The following ERC2 variants were observed in gnomAD, a reference collection of about 807,000 sequenced individuals.
ERC2 encodes the protein ERC protein 2.
In ERC2, 42 loss-of-function variants were observed where a neutral mutation model predicts 114.8. The observed-to-expected ratio is 0.37, with a 90% CI of 0.29 to 0.47. ERC2 has a LOEUF of 0.47. Among genes scored for constraint, ERC2 ranks in the 20% least tolerant of loss-of-function variants. The pLI, the probability that ERC2 is intolerant of heterozygous loss-of-function variation, is 0.99. For missense variants in ERC2, 939 were observed against 1,150.7 expected, an observed-to-expected ratio of 0.82 and a Z score of 2.66; for synonymous variants, 454 against 425.5, an observed-to-expected ratio of 1.07 and a Z score of -0.82.
intron 17 of ERC2, among the ~76,000 whole-genome samples, chr3:55,676,441 C>CTTATTA (rs71619901): frequency 0.17 from 24,275 of 141,992 alleles, 2,939 homozygotes; most frequent in African/African-American, 0.34. Context: ...TACTGAGCTG[C>CTTATTA]TTATTATTAT....
chr3:55,564,038 T>G (rs147303805), intron 17 of ERC2, among the ~76,000 whole-genome samples: 1 of 152,172 alleles, frequency 6.6e-6, no homozygotes, highest in Non-Finnish European at 1.5e-5. Context: ...GAATTCACAA[T>G]CTAATTTGTG....
chr3:56,318,109 T>C (rs2056954597), intron 2 of ERC2, among the ~76,000 whole-genome samples: 1 of 152,220 alleles, frequency 6.6e-6, no homozygotes, highest in African/African-American at 2.4e-5. Flanking sequence ...ATGATTTAAA[T>C]ATAAATGATC....
At chr3:56,350,401 C>T (rs985037491) in intron 2 of ERC2, among the ~76,000 whole-genome samples, 3 of 152,144 alleles carry the variant, frequency 2.0e-5, no homozygotes, top group Non-Finnish European at 2.9e-5. Context: ...GTAGGCCATG[C>T]CTAAAGACTC....
intron 14 of ERC2, among the ~76,000 whole-genome samples, chr3:55,823,807 C>T (rs2060221597): frequency 6.6e-6 from 1 of 152,196 alleles, no homozygotes. Context: ...TGACGTGCCC[C>T]ACTTCCAGTA....
At chr3:56,189,712 C>T (rs886105877) in intron 3 of ERC2, among the ~76,000 whole-genome samples, 28 of 152,168 alleles carry the variant, frequency 1.8e-4, no homozygotes, top group Non-Finnish European at 3.1e-4. Context: ...GGCTTGCAGG[C>T]ACCACACATG....
chr3:56,154,991 T>C (rs746669008), intron 4 of ERC2, among the ~76,000 whole-genome samples: 9 of 152,210 alleles, frequency 5.9e-5, no homozygotes, highest in Non-Finnish European at 1.2e-4. Flanking sequence ...GCTAATCCTA[T>C]AACCTAAGTT....
intron 13 of ERC2, among the ~76,000 whole-genome samples, chr3:55,903,123 C>T (rs1164856153): frequency 6.6e-6 from 1 of 152,186 alleles, no homozygotes; most frequent in Non-Finnish European, 1.5e-5. Context: ...TATTAAACTC[C>T]AAGCTTCACC....
intron 2 of ERC2, among the ~76,000 whole-genome samples, chr3:56,382,436 G>A (rs916105457): frequency 1.3e-4 from 20 of 152,036 alleles, no homozygotes; most frequent in African/African-American, 4.8e-4. Flanking sequence ...CCAGGTTTAT[G>A]GCCTCCAATC....
intron 3 of ERC2, among the ~76,000 whole-genome samples, chr3:56,221,098 A>G (rs773692225): frequency 7.2e-5 from 11 of 152,044 alleles, no homozygotes; most frequent in Non-Finnish European, 1.2e-4. Flanking sequence ...ATAAACAAAC[A>G]TCTGTTAGAG....
At chr3:55,852,914 A>G (rs1459772382) in intron 14 of ERC2, among the ~76,000 whole-genome samples, 3 of 152,220 alleles carry the variant, frequency 2.0e-5, no homozygotes, top group African/African-American at 7.2e-5. Context: ...GGATGGGCTA[A>G]TACTCTGTTG....
chr3:55,831,613 G>T (rs2060589400), intron 14 of ERC2, among the ~76,000 whole-genome samples: 1 of 152,130 alleles, frequency 6.6e-6, no homozygotes, highest in South Asian at 2.1e-4. Flanking sequence ...TTAAAAGACA[G>T]AACCTGGTCG....
At chr3:55,995,569 G>A (rs878913772) in intron 10 of ERC2, among the ~76,000 whole-genome samples, 23 of 152,242 alleles carry the variant, frequency 1.5e-4, no homozygotes, top group African/African-American at 5.1e-4. Flanking sequence ...CAGGGAAACC[G>A]CTGCTTCTTG....
chr3:55,520,433 C>CAGA (rs1553687612), intron 17 of ERC2, among the ~76,000 whole-genome samples: 1 of 109,556 alleles, frequency 9.1e-6, no homozygotes, highest in African/African-American at 3.5e-5. Context: ...GACTCTGTCT[C>CAGA]AAAAAAAAAA....
At chr3:56,260,843 T>G (rs2052871434) in intron 3 of ERC2, among the ~76,000 whole-genome samples, 1 of 152,218 alleles carries the variant, frequency 6.6e-6, no homozygotes, top group African/African-American at 2.4e-5. Context: ...AATTTGATTA[T>G]GTCCCAGCAT....
At chr3:56,215,962 CAT>C (rs1173064921) in intron 3 of ERC2, among the ~76,000 whole-genome samples, 1 of 151,978 alleles carries the variant, frequency 6.6e-6, no homozygotes, top group Non-Finnish European at 1.5e-5. Context: ...AAAGACACAA[CAT>C]ACCAGAATCT....
chr3:55,539,365 CTTTTCTTTTA>C (rs905980026), intron 17 of ERC2, among the ~76,000 whole-genome samples: 5 of 113,260 alleles, frequency 4.4e-5, no homozygotes, highest in East Asian at 3.0e-4. Flanking sequence ...GACGTATTTT[CTTTTCTTTTA>C]TTTTCTTTTT....
chr3:56,159,526 T>C (rs1254477484), intron 4 of ERC2, among the ~76,000 whole-genome samples: 2 of 152,220 alleles, frequency 1.3e-5, no homozygotes, highest in Non-Finnish European at 2.9e-5. Context: ...ACTTTTATTT[T>C]AGATTTAGGG....
At chr3:55,683,605 G>A (rs1485642491) in intron 17 of ERC2, among the ~76,000 whole-genome samples, 189 bp downstream of exon 17, 1 of 152,122 alleles carries the variant, frequency 6.6e-6, no homozygotes, top group Non-Finnish European at 1.5e-5. Flanking sequence ...GTTGTGGGGT[G>A]GGGAGGTGAG....
intron 17 of ERC2, among the ~76,000 whole-genome samples, chr3:55,593,433 T>C (rs186588216): frequency 1.3e-5 from 2 of 152,200 alleles, no homozygotes; most frequent in Admixed American, 6.5e-5. Flanking sequence ...CTTTCCTTCA[T>C]GGTGTCCCTT....
Sources: allele counts gnomAD v4.1 joint callset (sites outside exome capture counted in the v4.1 genomes callset), GRCh38; gene constraint gnomAD v4.1.1; transcripts MANE v1.5; gene names NCBI Gene and HGNC (gene_info 2026-07-23, HGNC 2026-07-21).